Variants in CDH8 observed in about 807,000 individuals in gnomAD.
CDH8 encodes cadherin-8.
CDH8 carries 17 observed loss-of-function variants against 68.1 expected under a neutral mutation model. That is an observed-to-expected ratio of 0.25 (90% confidence interval 0.17 to 0.37). CDH8 has a LOEUF of 0.37. Among genes scored for constraint, CDH8 ranks in the 10% least tolerant of loss-of-function variants. CDH8 has a pLI of 1.00. For synonymous variants in CDH8, 372 were observed against 365.1 expected, an observed-to-expected ratio of 1.02 and a Z score of -0.21; for missense variants, 763 against 999.3, an observed-to-expected ratio of 0.76 and a Z score of 3.19.
intron 10 of CDH8, among the ~76,000 whole-genome samples, chr16:61,686,593 G>A (rs144411937): frequency 1.1e-3 from 169 of 151,924 alleles, no homozygotes; most frequent in Non-Finnish European, 2.0e-3. Flanking sequence ...CGGGTCTGTC[G>A]CTGTCTTCTA....
chr16:61,972,572 GTGTGTGTGTGTGTGTGT>G (rs1965358790), intron 2 of CDH8, among the ~76,000 whole-genome samples: 2 of 58,756 alleles, frequency 3.4e-5, no homozygotes, highest in African/African-American at 1.4e-4. Flanking sequence ...CACATTGTGG[GTGTGTGTGTGTGTGTGT>G]GTGTGTGTGT....
intron 2 of CDH8, among the ~76,000 whole-genome samples, chr16:61,961,179 G>A (rs1388925143): frequency 6.6e-6 from 1 of 152,078 alleles, no homozygotes; most frequent in Admixed American, 6.6e-5. Flanking sequence ...GCCAGGTGTG[G>A]AGGCACGCAC....
chr16:61,994,021 C>T (rs1965771625), intron 2 of CDH8, among the ~76,000 whole-genome samples: 1 of 152,128 alleles, frequency 6.6e-6, no homozygotes, highest in African/African-American at 2.4e-5. Flanking sequence ...CCATCACATA[C>T]ATGGTAAAGT....
chr16:61,996,692 T>A (rs561336223), intron 2 of CDH8, among the ~76,000 whole-genome samples: 26 of 152,286 alleles, frequency 1.7e-4, no homozygotes, highest in African/African-American at 6.3e-4. Context: ...TTATATTATA[T>A]CAATCAGGAT....
At chr16:61,799,909 C>T (rs1028488320) in intron 7 of CDH8, among the ~76,000 whole-genome samples, 3 of 151,888 alleles carry the variant, frequency 2.0e-5, no homozygotes, top group Non-Finnish European at 4.4e-5. Flanking sequence ...ACTCTTTTCC[C>T]CCCCCCAAAG....
At chr16:61,877,354 G>T (rs138811233) in intron 3 of CDH8, among the ~76,000 whole-genome samples, 136 of 151,740 alleles carry the variant, frequency 9.0e-4, no homozygotes, top group African/African-American at 3.0e-3. Context: ...CAATCCTTTG[G>T]AAGTTGAATT....
chr16:61,663,279 A>G (rs1963604507), intron 10 of CDH8, among the ~76,000 whole-genome samples: 1 of 152,084 alleles, frequency 6.6e-6, no homozygotes, highest in African/African-American at 2.4e-5. Context: ...TTATGATAAC[A>G]GATTGATTAT....
intron 4 of CDH8, among the ~76,000 whole-genome samples, chr16:61,833,831 G>C (rs1270783952): frequency 6.6e-6 from 1 of 151,874 alleles, no homozygotes; most frequent in African/African-American, 2.4e-5. Context: ...CTGCCAAGAA[G>C]TCTTTCCAAA....
intron 2 of CDH8, among the ~76,000 whole-genome samples, chr16:61,902,190 A>G (rs556364416): frequency 1.4e-4 from 21 of 152,332 alleles, no homozygotes; most frequent in African/African-American, 5.0e-4. Flanking sequence ...ATTTTCCAGA[A>G]ATGGAACCCC....
Position 61,652,450 on chromosome 16 carries a change from C to A in CDH8, c.*1158G>T, listed in dbSNP as rs1407672462. The stretch of plus-strand genomic sequence containing the variant: ...ATGTTTGTGCTTGTAGTAAAAACAC[C>A]AAATACTAGGATTATGAACAAAATA... On this transcript the variant is annotated 3_prime_UTR_variant, in exon 12 of 12. Coordinates refer to ENST00000577390, the MANE Select transcript of CDH8 (RefSeq NM_001796.5). 2.0e-6 allele frequency: 2 copies of A among 986,008 alleles called. No homozygotes were observed. The highest frequency in any genetic ancestry group is 3.5e-5 in the African/African-American group (2 of 57,396). The allele number at this position is 986,008 out of a possible 1,614,324, so 61.1% of individuals were successfully genotyped here.
intron 8 of CDH8, among the ~76,000 whole-genome samples, chr16:61,782,326 A>G (rs1961088200): frequency 6.6e-6 from 1 of 152,156 alleles, no homozygotes; most frequent in Non-Finnish European, 1.5e-5. Context: ...GAAAGGGGTG[A>G]CGGACGCACC....
chr16:61,793,577 A>G (rs1239182645), intron 7 of CDH8, among the ~76,000 whole-genome samples: 2 of 152,062 alleles, frequency 1.3e-5, no homozygotes, highest in African/African-American at 4.8e-5. Flanking sequence ...TGCAAAGGAC[A>G]TGATCTCATT....
At chr16:61,708,956 G>T (rs1031985043) in intron 10 of CDH8, among the ~76,000 whole-genome samples, 1 of 152,082 alleles carries the variant, frequency 6.6e-6, no homozygotes, top group African/African-American at 2.4e-5. Flanking sequence ...CTTTGAAAAA[G>T]TCCACTATGT....
chr16:61,859,135 G>A lies in CDH8; in HGVS notation c.548-1897C>T, dbSNP rs1045971395. Among the ~76,000 whole-genome samples, 4 of 152,286 alleles carry A rather than the reference G, an allele frequency of 2.6e-5. No individual in the cohort carries two copies. In the South Asian group the frequency reaches 8.3e-4, roughly 32 times the overall value. ...AATTTCTACTCAGAATGATGACTCA[G>A]AGGTTCTACAAAATCTGCAGTTATA... On this transcript the variant is annotated intron_variant, in intron 3 of 11. Coordinates refer to ENST00000577390, the MANE Select transcript of CDH8 (RefSeq NM_001796.5).
rs193122333 is a variant in CDH8, at chr16:61,860,327, G to A, written c.548-3089C>T. 6.4e-4 allele frequency among the ~76,000 whole-genome samples: 98 copies of A among 152,120 alleles called. 1 individual carries two copies. The East Asian group carries it at 7.0e-3, about 11-fold the overall frequency. The stretch of plus-strand genomic sequence containing the variant: ...TAATTTTTTCTTTATTAATTAACCC[G>A]TTTTAGGTATTTTGTTATAAGCAGC... On this transcript the variant is annotated intron_variant, in intron 3 of 11. Coordinates refer to ENST00000577390, the MANE Select transcript of CDH8 (RefSeq NM_001796.5).
chr16:61,945,791 G>A (rs1964792994), intron 2 of CDH8, among the ~76,000 whole-genome samples: 1 of 152,160 alleles, frequency 6.6e-6, no homozygotes, highest in African/African-American at 2.4e-5. Context: ...AAGGTAGTGG[G>A]GCAAGCTGTT....
At chr16:61,715,565 A>T (rs9924634) in intron 9 of CDH8, among the ~76,000 whole-genome samples, 2 of 151,274 alleles carry the variant, frequency 1.3e-5, no homozygotes, top group African/African-American at 4.8e-5. Flanking sequence ...TATTATTATC[A>T]TATTTATTAG....
At chr16:61,999,206 C>T (rs1965853505) in intron 2 of CDH8, among the ~76,000 whole-genome samples, 1 of 152,146 alleles carries the variant, frequency 6.6e-6, no homozygotes, top group Non-Finnish European at 1.5e-5. Context: ...CTCATTTAAG[C>T]CAAAATATAA....
chr16:62,014,962 C>A (rs1204199336), intron 2 of CDH8, among the ~76,000 whole-genome samples: 3 of 151,508 alleles, frequency 2.0e-5, no homozygotes, highest in South Asian at 2.1e-4. Context: ...ACTTACAGAA[C>A]AAGGACTAAA....
Sources: allele counts gnomAD v4.1 joint callset (sites outside exome capture counted in the v4.1 genomes callset), GRCh38; gene constraint gnomAD v4.1.1; transcripts MANE v1.5; gene names NCBI Gene and HGNC (gene_info 2026-07-23, HGNC 2026-07-21).